The following RMDN3 variants were observed in gnomAD, a reference collection of about 807,000 sequenced individuals.
RMDN3 encodes the protein regulator of microtubule dynamics 3.
RMDN3 carries 41 observed loss-of-function variants against 61.8 expected under a neutral mutation model. The observed-to-expected ratio is 0.66, with a 90% CI of 0.52 to 0.86. The LOEUF (loss-of-function observed/expected upper bound fraction) is 0.86, where lower values mean the gene tolerates loss of function less well. Ranked by LOEUF, RMDN3 falls within the 40% of genes least tolerant of loss-of-function variation. RMDN3 has a pLI of 0.00. For synonymous variants in RMDN3, 247 were observed against 232.0 expected (o/e 1.06, Z -0.59); for missense variants, 557 against 585.3 (o/e 0.95, Z 0.50).
Position 40,744,027 on chromosome 15 carries a change from A to G in RMDN3, c.910+20T>C. 6.3e-7 allele frequency: 1 copy of G among 1,593,172 alleles called. No homozygotes were observed. Among genetic ancestry groups the G allele is most frequent in the Non-Finnish European group, 8.6e-7 (1 of 1,167,182 alleles). ...CTGAATCAGTCAGTCACCTTCCCAC[A>G]GGAAGCTGTCAGCACTTACCATCTA... On this transcript the variant is annotated intron_variant, in intron 6 of 12. Coordinates refer to ENST00000338376, the MANE Select transcript of RMDN3 (RefSeq NM_018145.3).
Position 40,754,787 on chromosome 15 carries a change from G to C in RMDN3, c.-4C>G, listed in dbSNP as rs1297594550. ...CCAGGGCTCCCAGTCTAGACATGCT[G>C]CACCTGCGGCCAGCAGAAGTCACCG... is the stretch of plus-strand genomic sequence containing the variant. On this transcript the variant is annotated 5_prime_UTR_variant, in exon 2 of 13. Coordinates refer to ENST00000338376, the MANE Select transcript of RMDN3 (RefSeq NM_018145.3). The C allele has an allele frequency of 7.0e-7, 1 of 1,438,790 alleles. No individual in the cohort carries two copies. The allele number at this position is 1,438,790 out of a possible 1,614,324, so 89.1% of individuals were successfully genotyped here.
chr15:40,737,349 A>G lies in RMDN3; in HGVS notation c.1225-8T>C, dbSNP rs1897097228. On this transcript the variant is annotated splice_polypyrimidine_tract_variant and splice_region_variant and intron_variant, in intron 10 of 12. Transcript: ENST00000338376. ...TGGCTGTAGTTCTTCAGCCTGGGAAAAGGGACAAAGATATTTCAGTAAGAG... is the reference window on the plus strand; with the variant it reads ...TGGCTGTAGTTCTTCAGCCTGGGAAGAGGGACAAAGATATTTCAGTAAGAG... The G allele has an allele frequency of 1.2e-6, 2 of 1,612,882 alleles. No homozygotes were observed. Among genetic ancestry groups the G allele is most frequent in the South Asian group, 1.1e-5 (1 of 91,050 alleles).
intron 4 of RMDN3, among the ~76,000 whole-genome samples, chr15:40,750,087 AG>A (rs1897747776): frequency 6.6e-6 from 1 of 152,006 alleles, no homozygotes; most frequent in Admixed American, 6.6e-5. Context: ...TATTTTTCTG[AG>A]GCAGGGTCTC....
At chr15:40,752,819 G>A (rs1024970407) in intron 2 of RMDN3, among the ~76,000 whole-genome samples, 1 of 152,186 alleles carries the variant, frequency 6.6e-6, no homozygotes, top group Non-Finnish European at 1.5e-5. Flanking sequence ...CAAAGTGACA[G>A]CCACCTATGG....
Position 40,744,120 on chromosome 15 carries a change from G to T in RMDN3, c.837C>A (p.Arg279=), listed in dbSNP as rs371839811. 9.3e-6 allele frequency: 15 copies of T among 1,613,454 alleles called. No individual in the cohort carries two copies. The African/African-American group carries it at 1.6e-4, about 17-fold the overall frequency. Residue 279 remains arginine (R), a synonymous_variant, in exon 6 of 13, where the codon CGC becomes CGA. Coordinates refer to ENST00000338376, the MANE Select transcript of RMDN3 (RefSeq NM_018145.3). ...ACATGTCACTGTAGGCTCGGGCCAG[G>T]CGCCAGAGAAAGTCCTGCCGGCTTC... ...VYGSRQDFLW[R]LARAYSDMCE...
At chr15:40,744,485 G>A (rs908518877) in intron 5 of RMDN3, among the ~76,000 whole-genome samples, 2 of 148,070 alleles carry the variant, frequency 1.4e-5, no homozygotes, top group Admixed American at 1.3e-4. Flanking sequence ...AAGGAAAAGG[G>A]AAACTTCTAA....
At chr15:40,748,672 T>C (rs1211031467) in intron 4 of RMDN3, among the ~76,000 whole-genome samples, 1 of 151,370 alleles carries the variant, frequency 6.6e-6, no homozygotes, top group African/African-American at 2.4e-5. Context: ...CAATCTCGGC[T>C]CACAGCAAAC....
At chr15:40,754,535 G>C in intron 2 of RMDN3, 62 bp downstream of exon 2, 1 of 1,476,686 alleles carries the variant, frequency 6.8e-7, no homozygotes, top group South Asian at 1.3e-5. Flanking sequence ...TCCACCGAAA[G>C]CAGCCCAGAC....
chr15:40,746,290 C>T (rs1343193130), intron 4 of RMDN3, among the ~76,000 whole-genome samples: 15 of 152,056 alleles, frequency 9.9e-5, no homozygotes, highest in Admixed American at 8.5e-4. Context: ...CCGAGGCGGG[C>T]GGATCAGGAG....
At chr15:40,752,594 G>C (rs888818606) in intron 2 of RMDN3, among the ~76,000 whole-genome samples, 1 of 152,066 alleles carries the variant, frequency 6.6e-6, no homozygotes, top group Non-Finnish European at 1.5e-5. Context: ...CTCAAATTCT[G>C]ATCTCTCACT....
At chr15:40,740,091 G>C in intron 7 of RMDN3, 42 bp downstream of exon 7, 4 of 1,344,336 alleles carry the variant, frequency 3.0e-6, no homozygotes, top group South Asian at 1.2e-5. Context: ...CTCTGCTTTG[G>C]CCCTTGCTGG....
chr15:40,744,243 C>G (rs778350489), intron 5 of RMDN3, 94 bp from the exon 6 acceptor site: 90 of 1,168,800 alleles, frequency 7.7e-5, no homozygotes, highest in Middle Eastern at 1.9e-4. Context: ...TTTGAATTTC[C>G]AAGCTAGTAT....
intron 4 of RMDN3, 126 bp from the exon 5 acceptor site, chr15:40,745,385 C>A: frequency 2.2e-5 from 18 of 815,728 alleles, no homozygotes; most frequent in African/African-American, 3.4e-5. Context: ...CACAATCATT[C>A]ATACCTCTTA....
At chr15:40,750,562 T>G (rs1897778666) in intron 4 of RMDN3, among the ~76,000 whole-genome samples, 3 of 151,716 alleles carry the variant, frequency 2.0e-5, no homozygotes, top group African/African-American at 7.3e-5. Context: ...GCAATCCTCC[T>G]GTCTCGGCCT....
Position 40,752,102 on chromosome 15 carries a change from C to T in RMDN3, c.264G>A (p.Glu88=). The change falls in exon 3 of 13, where the codon GAG becomes GAA. Residue 88 remains glutamate (E), a synonymous_variant. Transcript: ENST00000338376. ...VLPSLPREGQ[E]KVLDRLDFVL... is the part of the protein sequence containing the mutation. ...CAAAGTCCAGGCGGTCCAGCACCTT[C>T]TCCTGTCCTTCCCGTGGAAGGCTGG... The T allele has an allele frequency of 6.2e-7, 1 of 1,614,232 alleles. No homozygotes were observed. Among genetic ancestry groups the T allele is most frequent in the South Asian group, 1.1e-5 (1 of 91,088 alleles).
Position 40,755,090 on chromosome 15 carries a change from T to A in RMDN3, c.-15A>T, listed in dbSNP as rs1028219913. 3.1e-6 allele frequency: 1 copy of A among 322,942 alleles called. No individual in the cohort carries two copies. The highest frequency in any genetic ancestry group is 6.4e-5 in the East Asian group (1 of 15,642). The allele number at this position is 322,942 out of a possible 1,614,324, so 20.0% of individuals were successfully genotyped here. On this transcript the variant is annotated 5_prime_UTR_variant, in exon 1 of 13. Coordinates refer to ENST00000338376, the MANE Select transcript of RMDN3 (RefSeq NM_018145.3). ...TGGGCCTTCAACCCCCACCTCAGCCTCACGACACTGCAGACCACAAACCCG... is the reference window on the plus strand; with the variant it reads ...TGGGCCTTCAACCCCCACCTCAGCCACACGACACTGCAGACCACAAACCCG...
intron 4 of RMDN3, among the ~76,000 whole-genome samples, chr15:40,746,441 C>T (rs1243870395): frequency 1.3e-5 from 2 of 149,656 alleles, no homozygotes; most frequent in Non-Finnish European, 3.0e-5. Context: ...GGCGTGAACC[C>T]GGGAGGCAGA....
chr15:40,737,149 A>G lies in RMDN3; in HGVS notation c.1334T>C (p.Leu445Pro), dbSNP rs1347731807. The change falls in exon 12 of 13, where the codon CTG becomes CCG. Residue 445 changes from leucine to proline, a missense_variant. By Grantham distance (98) the Leu-to-Pro change is moderately conservative. Coordinates refer to ENST00000338376, the MANE Select transcript of RMDN3 (RefSeq NM_018145.3). ...CTCCTTCGTGACATCTGGCAGCTCCAGGGCCAACTTCATCCACCATCTAGC... is the reference window on the plus strand; with the variant it reads ...CTCCTTCGTGACATCTGGCAGCTCCGGGGCCAACTTCATCCACCATCTAGC... ...SEARWWMKLA[L>P]ELPDVTKEDL... The G allele has an allele frequency of 6.2e-7, 1 of 1,614,212 alleles. No homozygotes were observed.
At chr15:40,754,815 AGCAGGCAGGCGG>A in intron 1 of RMDN3, 25 bp from the exon 2 acceptor site, 1 of 995,730 alleles carries the variant, frequency 1.0e-6, no homozygotes, top group Non-Finnish European at 1.4e-6. Flanking sequence ...AGTCACCGGG[AGCAGGCAGGCGG>A]GCGGGCGGGC....
Sources: gnomAD v4.1 joint callset for allele counts (sites outside exome capture counted in the v4.1 genomes callset) on GRCh38, gnomAD v4.1.1 for gene constraint, MANE v1.5 for transcripts, NCBI Gene and HGNC (gene_info 2026-07-23, HGNC 2026-07-21) for gene names.